The following ZNF431 variants were observed in gnomAD, a reference collection of about 807,000 sequenced individuals.
ZNF431 encodes the protein zinc finger protein 431.
Under a neutral mutation model 57.0 loss-of-function variants are expected in ZNF431, and 34 were observed. The ratio of observed to expected loss-of-function variants is 0.60; its 90% confidence interval spans 0.45 to 0.79. The LOEUF is 0.79. Ranked by LOEUF, ZNF431 falls within the 30% of genes least tolerant of loss-of-function variation. The pLI, the probability that ZNF431 is intolerant of heterozygous loss-of-function variation, is 0.00. For synonymous variants in ZNF431, 207 were observed against 220.3 expected (o/e 0.94, Z 0.54); for missense variants, 607 against 667.1 (o/e 0.91, Z 0.99).
At chr19:21,149,792 A>G in intron 2 of ZNF431, 1 of 639,146 alleles carries the variant, frequency 1.6e-6, no homozygotes, top group Non-Finnish European at 2.9e-6. Context: ...AGCTTCCCCC[A>G]GCTTAGCCAA....
At chr19:21,145,559 C>A (rs981901059) in intron 2 of ZNF431, among the ~76,000 whole-genome samples, 1 of 152,124 alleles carries the variant, frequency 6.6e-6, no homozygotes, top group East Asian at 1.9e-4. Context: ...TCTGCTCAAC[C>A]CAGCCATGGA....
chr19:21,142,094 G>C lies in ZNF431; in HGVS notation c.-90G>C, dbSNP rs1399398637. The stretch of plus-strand genomic sequence containing the variant: ...TCCCCTTCGCTGCTCTGTGTCCTCT[G>C]CTCCTAGAGGCCCAACATCTGTGGC... On this transcript the variant is annotated 5_prime_UTR_variant, in exon 1 of 5. Coordinates refer to ENST00000311048, the MANE Select transcript of ZNF431 (RefSeq NM_133473.4). 3 of 1,559,194 alleles carry C rather than the reference G, an allele frequency of 1.9e-6. No individual in the cohort carries two copies. In the African/African-American group the frequency reaches 4.1e-5, roughly 21 times the overall value.
chr19:21,168,888 G>A (rs186368513), intron 4 of ZNF431, among the ~76,000 whole-genome samples: 177 of 152,034 alleles, frequency 1.2e-3, no homozygotes, highest in African/African-American at 4.2e-3. Flanking sequence ...GTTACTGACT[G>A]TATTTATTAG....
At chr19:21,167,735 C>T (rs978651824) in intron 4 of ZNF431, 69 bp downstream of exon 4, 3 of 1,018,986 alleles carry the variant, frequency 2.9e-6, no homozygotes, top group African/African-American at 3.3e-5. Flanking sequence ...AAAAATGTGC[C>T]AGTCCTTACA....
intron 1 of ZNF431, 55 bp downstream of exon 1, chr19:21,142,241 T>A: frequency 6.2e-7 from 1 of 1,611,492 alleles, no homozygotes; most frequent in South Asian, 1.1e-5. Context: ...TTGTAACCGG[T>A]GGGAAGTGGC....
rs1006461026 is a variant in ZNF431 at position 21,186,047 on chromosome 19, T to A, written c.*2013T>A. The A allele has an allele frequency of 6.6e-6, 1 of 152,108 alleles. No homozygotes were observed. Among genetic ancestry groups the A allele is most frequent in the Non-Finnish European group, 1.5e-5 (1 of 68,012 alleles). 9.4% of individuals were successfully genotyped at this position (152,108 alleles called of 1,614,324 possible). A position where few individuals can be genotyped will look rare whatever the true frequency, so the allele number is the denominator to read the frequency against. On this transcript the variant is annotated 3_prime_UTR_variant, in exon 5 of 5. Coordinates refer to ENST00000311048, the MANE Select transcript of ZNF431 (RefSeq NM_133473.4). ...CTGTAATCCCAGCACTTTGACAGGC[T>A]GAGCGAGGGAGTGGATCTTGAGGTC...
chr19:21,144,396 G>T (rs1970026374), intron 2 of ZNF431, among the ~76,000 whole-genome samples: 1 of 151,662 alleles, frequency 6.6e-6, no homozygotes, highest in African/African-American at 2.4e-5. Context: ...TAGAGACAGG[G>T]TTTCATCATG....
chr19:21,177,223 G>T (rs1236902181), intron 4 of ZNF431, among the ~76,000 whole-genome samples: 1 of 152,064 alleles, frequency 6.6e-6, no homozygotes, highest in Non-Finnish European at 1.5e-5. Flanking sequence ...TAAGAAAGAG[G>T]TCCAATTTCA....
Position 21,193,904 on chromosome 19 carries a change from C to T in ZNF431, c.*9870C>T, listed in dbSNP as rs889737125. Reference sequence around the variant, plus strand: ...TCACAATAATAAGAGCCATCTATGACAAATCCTCAGCTAACATACTGAACA... The same window carrying T: ...TCACAATAATAAGAGCCATCTATGATAAATCCTCAGCTAACATACTGAACA... On this transcript the variant is annotated 3_prime_UTR_variant, in exon 5 of 5. Transcript: ENST00000311048. The T allele has an allele frequency of 6.6e-6, 1 of 152,084 alleles. No homozygotes were observed. The highest frequency in any genetic ancestry group is 1.9e-4 in the East Asian group (1 of 5,194). The allele number at this position is 152,084 out of a possible 1,614,324, so 9.4% of individuals were successfully genotyped here.
At chr19:21,171,710 A>G (rs867399454) in intron 4 of ZNF431, among the ~76,000 whole-genome samples, 47 of 14,658 alleles carry the variant, frequency 3.2e-3, no homozygotes, top group African/African-American at 0.013. Context: ...ATATATATAT[A>G]TATTTTTTTT....
chr19:21,142,059 G>A lies in ZNF431; in HGVS notation c.-125G>A. ...GCCTTTGTCTCTCGCCGCAGCCTGA[G>A]CTCCAGGTCTCCCCTTCGCTGCTCT... On this transcript the variant is annotated 5_prime_UTR_variant, in exon 1 of 5. Coordinates refer to ENST00000311048, the MANE Select transcript of ZNF431 (RefSeq NM_133473.4). 2 of 1,298,476 alleles carry A rather than the reference G, an allele frequency of 1.5e-6. No homozygotes were observed. Among genetic ancestry groups the A allele is most frequent in the Non-Finnish European group, 2.2e-6 (2 of 911,012 alleles). The allele number at this position is 1,298,476 out of a possible 1,614,324, so 80.4% of individuals were successfully genotyped here. A position where few individuals can be genotyped will look rare whatever the true frequency, so the allele number is the denominator to read the frequency against.
intron 4 of ZNF431, among the ~76,000 whole-genome samples, chr19:21,181,569 T>A (rs1390544833): frequency 6.6e-6 from 1 of 152,112 alleles, no homozygotes; most frequent in Non-Finnish European, 1.5e-5. Context: ...ATAAATATCT[T>A]TATGTGTATC....
At chr19:21,150,444 G>T (rs1970238593) in intron 2 of ZNF431, 2 of 244,236 alleles carry the variant, frequency 8.2e-6, no homozygotes, top group African/African-American at 2.3e-5. Flanking sequence ...GGCATCTTGG[G>T]TCGGGGGAGG....
rs1337228677 is a variant in ZNF431 at position 21,190,760 on chromosome 19, C to G, written c.*6726C>G. The G allele has an allele frequency of 6.6e-6, 1 of 150,714 alleles. No homozygotes were observed. The highest frequency in any genetic ancestry group is 2.4e-5 in the African/African-American group (1 of 40,900). The allele number at this position is 150,714 out of a possible 1,614,324, so 9.3% of individuals were successfully genotyped here. Reference sequence around the variant, plus strand: ...TCACTGCAACCCTTGCCTCCCGGATCAAGTGATTGTCCTGCCTCAGCCTCT... The same window carrying G: ...TCACTGCAACCCTTGCCTCCCGGATGAAGTGATTGTCCTGCCTCAGCCTCT... On this transcript the variant is annotated 3_prime_UTR_variant, in exon 5 of 5. Transcript: ENST00000311048.
chr19:21,170,968 C>T (rs927582100), intron 4 of ZNF431, among the ~76,000 whole-genome samples: 5 of 152,140 alleles, frequency 3.3e-5, no homozygotes, highest in African/African-American at 4.8e-5. Flanking sequence ...CCATTGTGCC[C>T]GGCCCAACAT....
chr19:21,142,549 G>A (rs1263445063), intron 1 of ZNF431, among the ~76,000 whole-genome samples: 1 of 152,222 alleles, frequency 6.6e-6, no homozygotes, highest in African/African-American at 2.4e-5. Context: ...GCTTTGTTCC[G>A]TGGAGTTCCC....
At chr19:21,168,449 C>G (rs1416178863) in intron 4 of ZNF431, among the ~76,000 whole-genome samples, 1 of 152,054 alleles carries the variant, frequency 6.6e-6, no homozygotes, top group East Asian at 1.9e-4. Context: ...TCACTGCAAC[C>G]TCCACCTCCT....
rs551095336 is a variant in ZNF431, at chr19:21,161,996, G to T, written c.97-4339G>T. On this transcript the variant is annotated intron_variant, in intron 2 of 4. Coordinates refer to ENST00000311048, the MANE Select transcript of ZNF431 (RefSeq NM_133473.4). ...GTTTTTTTGTTTTTTGCTTTTTTCA[G>T]TTGGAGTCTTGCTCTTGTTTCCCAG... Among the ~76,000 whole-genome samples, 6 of 151,918 alleles carry T rather than the reference G, an allele frequency of 3.9e-5. No individual in the cohort carries two copies. The East Asian group carries it at 1.2e-3, about 29-fold the overall frequency.
At chr19:21,177,257 T>A (rs1971082919) in intron 4 of ZNF431, among the ~76,000 whole-genome samples, 1 of 152,230 alleles carries the variant, frequency 6.6e-6, no homozygotes, top group Admixed American at 6.5e-5. Context: ...GGCTAGCCAG[T>A]TCTCCCAGCA....
Sources: allele counts gnomAD v4.1 joint callset (sites outside exome capture counted in the v4.1 genomes callset), GRCh38; gene constraint gnomAD v4.1.1; transcripts MANE v1.5; gene names NCBI Gene and HGNC (gene_info 2026-07-23, HGNC 2026-07-21).